Variants in PDE6G observed in about 807,000 individuals in gnomAD.
The protein encoded by PDE6G is phosphodiesterase 6G.
A neutral mutation model predicts 10.9 loss-of-function variants in PDE6G; 10 were observed. That is an observed-to-expected ratio of 0.91 (90% CI 0.56 to 1.55). The LOEUF is 1.55. Among genes scored for constraint, PDE6G ranks in the 40% most tolerant of loss-of-function variants. The probability of loss-of-function intolerance (pLI) is 0.00; values close to 1 mark genes in which losing one functional copy is unlikely to be tolerated. For synonymous variants in PDE6G, 41 were observed against 42.8 expected, an observed-to-expected ratio of 0.96 and a Z score of 0.16; for missense variants, 102 against 110.1, an observed-to-expected ratio of 0.93 and a Z score of 0.33.
chr17:81,651,948 G>A lies in PDE6G; in HGVS notation c.147-263C>T, dbSNP rs1320916954. On this transcript the variant is annotated intron_variant, in intron 2 of 3. Coordinates refer to ENST00000331056, the MANE Select transcript of PDE6G (RefSeq NM_002602.4). The surrounding 1 kb of genome is among the most constrained non-coding windows in gnomAD (Gnocchi z 4.8). ...GTGCAAGTCCCAGGATGCTGGGCAG[G>A]TGCGTGCCCTGGGGGAGTACGGGGG... Among the ~76,000 whole-genome samples the A allele has an allele frequency of 6.6e-6, 1 of 152,332 alleles. No homozygotes were observed. The highest frequency in any genetic ancestry group is 2.1e-4 in the South Asian group (1 of 4,826).
upstream of PDE6G, chr17:81,656,864 C>G: frequency 1.9e-6 from 1 of 520,416 alleles, no homozygotes; most frequent in South Asian, 2.1e-5. Context: ...GAAGGGCCCA[C>G]CTTCATGGTC....
At chr17:81,658,241 C>T (rs1362084133), upstream of PDE6G, among the ~76,000 whole-genome samples, 8 of 151,878 alleles carry the variant, frequency 5.3e-5, no homozygotes, top group African/African-American at 1.4e-4. Flanking sequence ...CCCACCACCA[C>T]GCCCAGCTAA....
chr17:81,652,262 G>T (rs2036370356), intron 2 of PDE6G, among the ~76,000 whole-genome samples: 1 of 152,092 alleles, frequency 6.6e-6, no homozygotes. Context: ...GGCTGTCCCT[G>T]GGTGGCAGTG....
chr17:81,657,751 T>G (rs963381006), upstream of PDE6G, among the ~76,000 whole-genome samples: 2 of 151,754 alleles, frequency 1.3e-5, no homozygotes, highest in African/African-American at 4.8e-5. Flanking sequence ...CGTGGTGGCA[T>G]GTACCTGTAA....
intron 2 of PDE6G, among the ~76,000 whole-genome samples, chr17:81,652,557 A>G (rs1011991733): frequency 3.3e-5 from 5 of 151,182 alleles, no homozygotes; most frequent in Admixed American, 1.3e-4. Context: ...GATTACAGGC[A>G]TGAGCCACCG....
chr17:81,662,290 C>T (rs1211851048), intron 1 of PDE6G, among the ~76,000 whole-genome samples: 2 of 152,038 alleles, frequency 1.3e-5, no homozygotes, highest in East Asian at 1.9e-4. Flanking sequence ...ATCCCTGTAA[C>T]CAAAACCTGC....
upstream of PDE6G, chr17:81,656,687 G>A (rs2036452082): frequency 1.4e-6 from 1 of 700,100 alleles, no homozygotes; most frequent in Non-Finnish European, 2.6e-6. Context: ...CTCAGGTGCT[G>A]TCAAGGGCTC....
intron 1 of PDE6G, chr17:81,663,031 C>T (rs1371529744): frequency 2.6e-5 from 4 of 152,182 alleles, no homozygotes; most frequent in African/African-American, 9.7e-5. Context: ...GGAGTGGCAT[C>T]CCACGAGCAC....
chr17:81,654,509 A>G (rs2036417487), intron 1 of PDE6G, among the ~76,000 whole-genome samples: 1 of 150,012 alleles, frequency 6.7e-6, no homozygotes, highest in South Asian at 2.1e-4. Context: ...CCTCCGGAGT[A>G]GCTCAGATTA....
At chr17:81,652,592 G>A (rs1178937291) in intron 2 of PDE6G, among the ~76,000 whole-genome samples, 1 of 144,348 alleles carries the variant, frequency 6.9e-6, no homozygotes, top group Non-Finnish European at 1.5e-5. Context: ...GTTTTTTTGA[G>A]ACGGAGTTTT....
At position 81,651,775 on chromosome 17, in the gene PDE6G, G is replaced by A; in HGVS notation, c.147-90C>T. 4 of 1,414,386 alleles carry A rather than the reference G, an allele frequency of 2.8e-6. No individual in the cohort carries two copies. The highest frequency in any genetic ancestry group is 2.4e-5 in the East Asian group (1 of 41,406). 87.6% of individuals were successfully genotyped at this position (1,414,386 alleles called of 1,614,324 possible). The stretch of plus-strand genomic sequence containing the variant: ...GAGGTCATCTCTAGCCTTCCTAGGA[G>A]ATGAGGTGTTTGGCTGGGAGCCCAG... On this transcript the variant is annotated intron_variant, in intron 2 of 3. Coordinates refer to ENST00000331056, the MANE Select transcript of PDE6G (RefSeq NM_002602.4). The surrounding 1 kb of genome is among the most constrained non-coding windows in gnomAD (Gnocchi z 4.8).
Position 81,651,606 on chromosome 17 carries a change from C to T in PDE6G, c.187+39G>A. On this transcript the variant is annotated intron_variant, in intron 3 of 3. Transcript: ENST00000331056. The surrounding 1 kb of genome is among the most constrained non-coding windows in gnomAD (Gnocchi z 4.8). ...GGCGTGCTGGGTGTGCCTGGGGGGA[C>T]CTGGGCAGACCTCGGGTTGGTACTG... 6.2e-7 allele frequency: 1 copy of T among 1,608,648 alleles called. No individual in the cohort carries two copies. Among genetic ancestry groups the T allele is most frequent in the Non-Finnish European group, 8.5e-7 (1 of 1,175,230 alleles).
chr17:81,658,379 T>C (rs62080196), upstream of PDE6G, among the ~76,000 whole-genome samples: 37,146 of 150,196 alleles, frequency 0.25, 5,220 homozygotes, highest in African/African-American at 0.4. Flanking sequence ...CCACCGTGCC[T>C]GGCCACAGTG....
At position 81,653,279 on chromosome 17, in the gene PDE6G, C is replaced by G. The variant is rs1283123496; in HGVS notation, c.27G>C (p.Glu9Asp). Residue 9 changes from glutamate (E) to aspartate (D), a missense_variant, in exon 2 of 4, where the codon GAG (glutamate) becomes GAC (aspartate). Coordinates refer to ENST00000331056, the MANE Select transcript of PDE6G (RefSeq NM_002602.4). The surrounding 1 kb of genome is among the most constrained non-coding windows in gnomAD (Gnocchi z 5.2). MNLEPPKA[E>D]FRSATRVAGG... ...CGGCCACCCTGGTGGCTGACCGGAA[C>G]TCAGCCTTGGGCGGTTCCAGGTTCA... is the stretch of plus-strand genomic sequence containing the variant. The G allele has an allele frequency of 6.2e-7, 1 of 1,613,984 alleles. No homozygotes were observed. The highest frequency in any genetic ancestry group is 1.7e-5 in the Admixed American group (1 of 60,020).
chr17:81,658,511 C>T (rs529499366), upstream of PDE6G, among the ~76,000 whole-genome samples: 9 of 151,104 alleles, frequency 6.0e-5, no homozygotes, highest in East Asian at 1.4e-3. Context: ...GAGAGAGACC[C>T]TATCTCTGAA....
At position 81,650,636 on chromosome 17, in the gene PDE6G, G is replaced by A. The variant is rs373769062; in HGVS notation, c.*438C>T. On this transcript the variant is annotated 3_prime_UTR_variant, in exon 4 of 4. Coordinates refer to ENST00000331056, the MANE Select transcript of PDE6G (RefSeq NM_002602.4). The stretch of plus-strand genomic sequence containing the variant: ...CCCCCCTGGGAAGGGATGCAGAGAC[G>A]GGGAGCTTCTCTGTATCCCCTTACA... 82 of 454,904 alleles carry A rather than the reference G, an allele frequency of 1.8e-4. No homozygotes were observed. Among genetic ancestry groups the A allele is most frequent in the African/African-American group, 1.2e-3 (60 of 50,138 alleles). The allele number at this position is 454,904 out of a possible 1,614,324, so 28.2% of individuals were successfully genotyped here.
chr17:81,661,966 G>A (rs188159385), intron 1 of PDE6G, among the ~76,000 whole-genome samples: 2 of 151,976 alleles, frequency 1.3e-5, no homozygotes, highest in East Asian at 3.9e-4. Context: ...GGGAGGCAGA[G>A]GTTGCAGTGA....
At chr17:81,662,104 C>A (rs548252051) in intron 1 of PDE6G, among the ~76,000 whole-genome samples, 1 of 152,142 alleles carries the variant, frequency 6.6e-6, no homozygotes, top group African/African-American at 2.4e-5. Context: ...CCTTTCCTGA[C>A]CAAACCAATG....
At position 81,653,163 on chromosome 17, in the gene PDE6G, T is replaced by C; in HGVS notation, c.143A>G (p.Gln48Arg). The stretch of plus-strand genomic sequence containing the variant: ...CCCATCCCCCAGCTCTGCTTACCCT[T>C]GAACGCCTTTCTTTGGGGGCTTGCT... Reference protein sequence around the residue: ...FKSKPPKKGVQGFGDDIPGME... With the variant: ...FKSKPPKKGVRGFGDDIPGME... The change falls in exon 2 of 4, where the codon CAA (glutamine) becomes CGA (arginine). Residue 48 changes from glutamine to arginine, a missense_variant. Physicochemically the swap from Gln to Arg is conservative, Grantham distance 43. Coordinates refer to ENST00000331056, the MANE Select transcript of PDE6G (RefSeq NM_002602.4). This position sits in a 1 kb window ranked among gnomAD's most constrained non-coding sequence, Gnocchi z 5.2. 10 of 1,614,030 alleles carry C rather than the reference T, an allele frequency of 6.2e-6. No homozygotes were observed. Among genetic ancestry groups the C allele is most frequent in the Non-Finnish European group, 8.5e-6 (10 of 1,179,970 alleles).
Sources: allele counts gnomAD v4.1 joint callset (sites outside exome capture counted in the v4.1 genomes callset), GRCh38; gene constraint gnomAD v4.1.1; non-coding constraint Gnocchi (gnomAD v3.1); transcripts MANE v1.5; gene names NCBI Gene and HGNC (gene_info 2026-07-23, HGNC 2026-07-21).